PCDHGA12: variants seen among roughly 807,000 people sequenced by gnomAD.
PCDHGA12 encodes the protein protocadherin gamma subfamily A, 12.
Under a neutral mutation model 61.1 loss-of-function variants are expected in PCDHGA12, and 43 were observed. That is an observed-to-expected ratio of 0.70 (90% CI 0.55 to 0.91). The LOEUF (loss-of-function observed/expected upper bound fraction) is 0.91. PCDHGA12 is among the 40% of genes least tolerant of loss of function. The probability of loss-of-function intolerance (pLI) is 0.00; values close to 1 mark genes in which losing one functional copy is unlikely to be tolerated. For synonymous variants in PCDHGA12, 520 were observed against 542.9 expected (o/e 0.96, Z 0.59); for missense variants, 1,236 against 1,227.7 (o/e 1.01, Z -0.10).
intron 2 of PCDHGA12, among the ~76,000 whole-genome samples, chr5:141,498,091 C>G (rs2099781521): frequency 6.6e-6 from 1 of 152,156 alleles, no homozygotes; most frequent in African/African-American, 2.4e-5. Context: ...AGAATTGTAT[C>G]TGGTGGTGTG....
chr5:141,461,371 G>C (rs755281402), intron 1 of PCDHGA12, among the ~76,000 whole-genome samples: 1 of 152,084 alleles, frequency 6.6e-6, no homozygotes, highest in Non-Finnish European at 1.5e-5. Context: ...GTTTTAATTT[G>C]CATTTTCCTG....
At chr5:141,458,891 G>A (rs775720263) in intron 1 of PCDHGA12, among the ~76,000 whole-genome samples, 10 of 151,976 alleles carry the variant, frequency 6.6e-5, no homozygotes, top group South Asian at 2.1e-4. Context: ...CACACCATGC[G>A]CAGCTAATTT....
chr5:141,449,160 T>G (rs6867451), intron 1 of PCDHGA12, among the ~76,000 whole-genome samples: 8,161 of 152,140 alleles, frequency 0.054, 458 homozygotes, highest in African/African-American at 0.15. Context: ...AAAGAGGAAA[T>G]AGGTGTAATT....
intron 1 of PCDHGA12, among the ~76,000 whole-genome samples, chr5:141,455,776 A>G (rs1386162201): frequency 6.6e-6 from 1 of 152,186 alleles, no homozygotes. Context: ...GGGCTTTAAA[A>G]GAAACTTTTC....
At chr5:141,435,390 C>T (rs2097760754) in intron 1 of PCDHGA12, among the ~76,000 whole-genome samples, 1 of 152,052 alleles carries the variant, frequency 6.6e-6, no homozygotes, top group Non-Finnish European at 1.5e-5. Flanking sequence ...ACCGTATTGC[C>T]ATGACGAAAA....
At chr5:141,473,735 A>G (rs529416084) in intron 1 of PCDHGA12, among the ~76,000 whole-genome samples, 75 of 152,352 alleles carry the variant, frequency 4.9e-4, no homozygotes, top group African/African-American at 1.6e-3. Context: ...GAGAGGGAGA[A>G]GACATGAGAA....
intron 1 of PCDHGA12, among the ~76,000 whole-genome samples, chr5:141,438,702 C>A (rs1217378337): frequency 5.7e-5 from 8 of 140,876 alleles, no homozygotes; most frequent in Non-Finnish European, 4.6e-5. Flanking sequence ...GCTCTGTCAC[C>A]CAGGCTGGAG....
Position 141,431,709 on chromosome 5 carries a change from T to G in PCDHGA12, c.950T>G (p.Met317Arg), listed in dbSNP as rs1561854893. ...CACGAGGAGTCAGGATTCTACCAGA[T>G]GGAAGTGCAAGCAATGGATAATGCA... ...LDHEESGFYQ[M>R]EVQAMDNAGY... is the part of the protein sequence containing the mutation. Residue 317 changes from methionine to arginine, a missense_variant, in exon 1 of 4, where the codon ATG becomes AGG. Coordinates refer to ENST00000252085, the MANE Select transcript of PCDHGA12 (RefSeq NM_003735.3). The surrounding 1 kb of genome is among the most constrained non-coding windows in gnomAD (Gnocchi z 4.8). The G allele has an allele frequency of 6.2e-7, 1 of 1,614,168 alleles. No individual in the cohort carries two copies. Among genetic ancestry groups the G allele is most frequent in the Middle Eastern group, 1.6e-4 (1 of 6,062 alleles).
At chr5:141,469,790 T>G (rs956670031) in intron 1 of PCDHGA12, among the ~76,000 whole-genome samples, 2 of 152,224 alleles carry the variant, frequency 1.3e-5, no homozygotes, top group African/African-American at 4.8e-5. Context: ...GCGTTATTTG[T>G]AATTGCAAAA....
At chr5:141,481,462 C>T (rs1395867714) in intron 1 of PCDHGA12, among the ~76,000 whole-genome samples, 1 of 152,162 alleles carries the variant, frequency 6.6e-6, no homozygotes. Flanking sequence ...ACACTGAAAA[C>T]CATTGGATTA....
At position 141,491,065 on chromosome 5, in the gene PCDHGA12, C is replaced by T; in HGVS notation, c.2425-3742C>T. On this transcript the variant is annotated intron_variant, in intron 1 of 3. Transcript: ENST00000252085. This position sits in a 1 kb window ranked among gnomAD's most constrained non-coding sequence, Gnocchi z 6.9. ...CCACAATGCGTGGCTCTCCTACTCA[C>T]TGTTGCCACAGTCCACAGCCCCAGG... 4 of 1,614,210 alleles carry T rather than the reference C, an allele frequency of 2.5e-6. No individual in the cohort carries two copies. Among genetic ancestry groups the T allele is most frequent in the Admixed American group, 1.7e-5 (1 of 60,030 alleles).
chr5:141,480,414 CA>C (rs10712552), intron 1 of PCDHGA12, among the ~76,000 whole-genome samples: 43,347 of 147,074 alleles, frequency 0.29, 6,620 homozygotes, highest in African/African-American at 0.4. Flanking sequence ...GACCCTGTCT[CA>C]AAAAAAAAAA....
rs962136728 is a variant in PCDHGA12 at position 141,491,524 on chromosome 5, G to A, written c.2425-3283G>A. 1 of 1,613,960 alleles carries A rather than the reference G, an allele frequency of 6.2e-7. No homozygotes were observed. The highest frequency in any genetic ancestry group is 1.3e-5 in the African/African-American group (1 of 74,936). On this transcript the variant is annotated intron_variant, in intron 1 of 3. Coordinates refer to ENST00000252085, the MANE Select transcript of PCDHGA12 (RefSeq NM_003735.3). The surrounding 1 kb of genome is among the most constrained non-coding windows in gnomAD (Gnocchi z 6.9). ...GGACGGCACGCTCAAGTACATGGAG[G>A]TGACGCTGCGGCCCACAGACTCGCA...
At position 141,489,651 on chromosome 5, in the gene PCDHGA12, G is replaced by A; in HGVS notation, c.2425-5156G>A. 6.2e-7 allele frequency: 1 copy of A among 1,614,186 alleles called. No individual in the cohort carries two copies. Among genetic ancestry groups the A allele is most frequent in the Non-Finnish European group, 8.5e-7 (1 of 1,180,032 alleles). ...ACTCTCCTAGCTTTGCCACCCCTGA[G>A]CGAGAGATGCGCATCTCAGAATCAG... On this transcript the variant is annotated intron_variant, in intron 1 of 3. Coordinates refer to ENST00000252085, the MANE Select transcript of PCDHGA12 (RefSeq NM_003735.3). The surrounding 1 kb of genome is among the most constrained non-coding windows in gnomAD (Gnocchi z 4.5).
At chr5:141,504,462 G>A (rs1375731108) in intron 2 of PCDHGA12, among the ~76,000 whole-genome samples, 5 of 152,074 alleles carry the variant, frequency 3.3e-5, no homozygotes, top group African/African-American at 9.7e-5. Flanking sequence ...TGGGGCAGCC[G>A]CTGGGATGGG....
rs1328476453 is a variant in PCDHGA12, at chr5:141,431,444, C to T, written c.685C>T (p.Arg229Cys). 4.3e-6 allele frequency: 7 copies of T among 1,613,732 alleles called. No homozygotes were observed. The highest frequency in any genetic ancestry group is 5.9e-6 in the Non-Finnish European group (7 of 1,180,022). The change falls in exon 1 of 4, where the codon CGC (arginine) becomes TGC (cysteine). Residue 229 changes from arginine to cysteine, a missense_variant. Transcript: ENST00000252085. The surrounding 1 kb of genome is among the most constrained non-coding windows in gnomAD (Gnocchi z 4.8). ...DPVRTGTARIRVMVLDANDNA... is the reference protein window; with the variant it reads ...DPVRTGTARICVMVLDANDNA... ...GGTGCGCACAGGCACCGCGCGCATCCGCGTGATGGTTCTGGATGCGAACGA... is the reference window on the plus strand; with the variant it reads ...GGTGCGCACAGGCACCGCGCGCATCTGCGTGATGGTTCTGGATGCGAACGA...
intron 1 of PCDHGA12, among the ~76,000 whole-genome samples, chr5:141,445,357 G>C (rs115045385): frequency 0.013 from 1,909 of 152,252 alleles, 31 homozygotes; most frequent in African/African-American, 0.044. Flanking sequence ...GTCTGCCCAA[G>C]TCTGGTCCTG....
At chr5:141,469,372 C>A (rs780872014) in intron 1 of PCDHGA12, among the ~76,000 whole-genome samples, 1 of 151,990 alleles carries the variant, frequency 6.6e-6, no homozygotes, top group East Asian at 1.9e-4. Context: ...GTAAAGAGAT[C>A]GAGACCATCC....
At chr5:141,463,808 T>C (rs1018369312) in intron 1 of PCDHGA12, among the ~76,000 whole-genome samples, 2 of 152,196 alleles carry the variant, frequency 1.3e-5, no homozygotes, top group African/African-American at 4.8e-5. Flanking sequence ...CTAAAAGCTT[T>C]TATCACACAT....
Sources: gnomAD v4.1 joint callset for allele counts (sites outside exome capture counted in the v4.1 genomes callset) on GRCh38, gnomAD v4.1.1 for gene constraint, Gnocchi (gnomAD v3.1) non-coding constraint, MANE v1.5 for transcripts, NCBI Gene and HGNC (gene_info 2026-07-23, HGNC 2026-07-21) for gene names.